The following TMEM108 variants were observed in gnomAD, a reference collection of about 807,000 sequenced individuals.
TMEM108 encodes the protein transmembrane protein 108.
A neutral mutation model predicts 35.1 loss-of-function variants in TMEM108; 12 were observed. The ratio of observed to expected loss-of-function variants is 0.34; its 90% confidence interval spans 0.22 to 0.55. The LOEUF (loss-of-function observed/expected upper bound fraction) is 0.55. TMEM108 is among the 20% of genes least tolerant of loss of function. The pLI is 0.89. For synonymous variants in TMEM108, 287 were observed against 308.6 expected, an observed-to-expected ratio of 0.93 and a Z score of 0.73; for missense variants, 680 against 753.3, an observed-to-expected ratio of 0.90 and a Z score of 1.14.
intron 2 of TMEM108, among the ~76,000 whole-genome samples, chr3:133,085,528 G>A (rs1319877722): frequency 6.6e-6 from 1 of 152,018 alleles, no homozygotes; most frequent in East Asian, 1.9e-4. Flanking sequence ...TTTAATGCAC[G>A]TTACTGTGTA....
intron 2 of TMEM108, among the ~76,000 whole-genome samples, chr3:133,170,754 A>G (rs1249082946): frequency 6.6e-6 from 1 of 152,188 alleles, no homozygotes; most frequent in African/African-American, 2.4e-5. Context: ...GATAGGAGAT[A>G]TATCAGTATA....
chr3:133,145,343 A>C (rs746204854), intron 2 of TMEM108, among the ~76,000 whole-genome samples: 5 of 152,122 alleles, frequency 3.3e-5, no homozygotes, highest in Admixed American at 1.3e-4. Flanking sequence ...TGGGCCAGTA[A>C]CATGCTGTTT....
intron 2 of TMEM108, among the ~76,000 whole-genome samples, chr3:133,079,621 T>A (rs1943785416): frequency 6.6e-6 from 1 of 152,206 alleles, no homozygotes; most frequent in Non-Finnish European, 1.5e-5. Context: ...TAATCATGTC[T>A]GAAAGGCCCT....
chr3:133,048,912 A>C (rs1285843013), intron 2 of TMEM108, among the ~76,000 whole-genome samples: 1 of 152,214 alleles, frequency 6.6e-6, no homozygotes, highest in African/African-American at 2.4e-5. Flanking sequence ...AGTACTACTC[A>C]AAGTGTGGCC....
chr3:133,361,372 T>G (rs1276669211), intron 3 of TMEM108, among the ~76,000 whole-genome samples: 1 of 152,228 alleles, frequency 6.6e-6, no homozygotes, highest in Admixed American at 6.5e-5. Context: ...GTATGTTTCC[T>G]CATCTGTAAG....
chr3:133,150,511 T>C (rs1402449472), intron 2 of TMEM108, among the ~76,000 whole-genome samples: 1 of 152,136 alleles, frequency 6.6e-6, no homozygotes, highest in Admixed American at 6.6e-5. Flanking sequence ...GCCTTTTAGT[T>C]TGATGTAGCC....
At chr3:133,104,260 A>G (rs1432828455) in intron 2 of TMEM108, among the ~76,000 whole-genome samples, 2 of 152,206 alleles carry the variant, frequency 1.3e-5, no homozygotes, top group Non-Finnish European at 2.9e-5. Context: ...TGTAAAATAC[A>G]GCTCCTGGCA....
chr3:133,319,128 C>T (rs1311332262), intron 3 of TMEM108, among the ~76,000 whole-genome samples: 3 of 152,246 alleles, frequency 2.0e-5, no homozygotes, highest in Admixed American at 1.3e-4. Context: ...CCCTCTGGAA[C>T]ATAACCCCGT....
chr3:133,333,865 A>T (rs970167235), intron 3 of TMEM108, among the ~76,000 whole-genome samples: 2 of 152,240 alleles, frequency 1.3e-5, no homozygotes, highest in African/African-American at 2.4e-5. Context: ...ATTCTGAAAG[A>T]ACTCCCAATA....
chr3:133,204,596 T>G (rs1443263040), intron 2 of TMEM108, among the ~76,000 whole-genome samples: 1 of 152,240 alleles, frequency 6.6e-6, no homozygotes, highest in Admixed American at 6.5e-5. Flanking sequence ...TCAGTTTCTG[T>G]GTAGTTGTGT....
chr3:133,201,768 C>T (rs1371205813), intron 2 of TMEM108, among the ~76,000 whole-genome samples: 1 of 152,136 alleles, frequency 6.6e-6, no homozygotes, highest in Non-Finnish European at 1.5e-5. Context: ...CATACATGTG[C>T]ATGTGTCTTT....
intron 3 of TMEM108, among the ~76,000 whole-genome samples, chr3:133,364,275 T>C (rs957169072): frequency 1.4e-4 from 21 of 152,110 alleles, no homozygotes; most frequent in Non-Finnish European, 2.6e-4. Context: ...CCCTGAACAG[T>C]AGGAAGGAAA....
At chr3:133,042,487 G>T (rs138555992) in intron 1 of TMEM108, among the ~76,000 whole-genome samples, 116 of 152,294 alleles carry the variant, frequency 7.6e-4, no homozygotes, top group African/African-American at 2.7e-3. Context: ...TGAGATGGTG[G>T]ATGTCTCTTA....
chr3:133,251,115 A>C (rs547769888), intron 3 of TMEM108, among the ~76,000 whole-genome samples: 1 of 152,328 alleles, frequency 6.6e-6, no homozygotes, highest in Admixed American at 6.5e-5. Flanking sequence ...GTCATTCTGT[A>C]ACCCAAAGGG....
At chr3:133,161,330 C>G (rs1358488885) in intron 2 of TMEM108, among the ~76,000 whole-genome samples, 1 of 152,188 alleles carries the variant, frequency 6.6e-6, no homozygotes, top group Non-Finnish European at 1.5e-5. Context: ...ATTCTTTCAT[C>G]ACTCAGTCTA....
chr3:133,077,943 A>C (rs1452474308), intron 2 of TMEM108, among the ~76,000 whole-genome samples: 1 of 152,148 alleles, frequency 6.6e-6, no homozygotes, highest in Non-Finnish European at 1.5e-5. Context: ...GGGGGCATTC[A>C]GAGTGATCAC....
intron 3 of TMEM108, among the ~76,000 whole-genome samples, chr3:133,365,525 T>C (rs951638058): frequency 2.0e-5 from 3 of 152,156 alleles, no homozygotes; most frequent in African/African-American, 4.8e-5. Context: ...TAAGCAAATC[T>C]CAGAGGCAAG....
intron 2 of TMEM108, among the ~76,000 whole-genome samples, chr3:133,184,965 G>A (rs1486034114): frequency 2.6e-5 from 4 of 152,086 alleles, no homozygotes; most frequent in Admixed American, 6.5e-5. Flanking sequence ...TTGCAAACCC[G>A]CCACATATAT....
intron 2 of TMEM108, among the ~76,000 whole-genome samples, chr3:133,134,805 A>C (rs1324007143): frequency 3.3e-5 from 5 of 151,862 alleles, no homozygotes; most frequent in Non-Finnish European, 7.4e-5. Context: ...AGTCTGTAGT[A>C]TCCATTATAC....
Sources: allele counts gnomAD v4.1 joint callset (sites outside exome capture counted in the v4.1 genomes callset), GRCh38; gene constraint gnomAD v4.1.1; transcripts MANE v1.5; gene names NCBI Gene and HGNC (gene_info 2026-07-23, HGNC 2026-07-21).